Variants in KIAA0319 observed in about 807,000 individuals in gnomAD.
The protein encoded by KIAA0319 is KIAA0319, also known as dyslexia-associated protein KIAA0319.
KIAA0319 carries 83 observed loss-of-function variants against 108.4 expected under a neutral mutation model. That is an observed-to-expected ratio of 0.77 (90% CI 0.64 to 0.92). The LOEUF (loss-of-function observed/expected upper bound fraction) is 0.92. Ranked by LOEUF, KIAA0319 falls within the 40% of genes least tolerant of loss-of-function variation. The pLI, the probability that KIAA0319 is intolerant of heterozygous loss-of-function variation, is 0.00. For synonymous variants in KIAA0319, 484 were observed against 510.4 expected, an observed-to-expected ratio of 0.95 and a Z score of 0.70; for missense variants, 1,195 against 1,322.4, an observed-to-expected ratio of 0.90 and a Z score of 1.49.
At chr6:24,581,890 T>C (rs1452507890) in intron 6 of KIAA0319, among the ~76,000 whole-genome samples, 3 of 152,310 alleles carry the variant, frequency 2.0e-5, no homozygotes, top group African/African-American at 7.2e-5. Context: ...ATGCCTGTAA[T>C]CCCAACACTT....
downstream of KIAA0319, among the ~76,000 whole-genome samples, chr6:24,543,091 C>T (rs150079829): frequency 5.3e-5 from 8 of 152,332 alleles, no homozygotes; most frequent in East Asian, 1.9e-4. Flanking sequence ...AAACTGTTCA[C>T]GGCAATAAAG....
intron 1 of KIAA0319, among the ~76,000 whole-genome samples, chr6:24,610,186 A>C (rs1396833117): frequency 6.6e-6 from 1 of 152,224 alleles, no homozygotes; most frequent in Non-Finnish European, 1.5e-5. Flanking sequence ...CAAATCAAAA[A>C]TCTAATAAGG....
intron 5 of KIAA0319, among the ~76,000 whole-genome samples, chr6:24,582,876 C>T (rs1039609458): frequency 6.6e-6 from 1 of 152,050 alleles, no homozygotes; most frequent in Non-Finnish European, 1.5e-5. Flanking sequence ...TAAGATGAAA[C>T]TGTCTCCCAG....
chr6:24,612,900 G>C (rs895470461), intron 1 of KIAA0319, among the ~76,000 whole-genome samples: 1 of 152,000 alleles, frequency 6.6e-6, no homozygotes, highest in African/African-American at 2.4e-5. Flanking sequence ...CCCGGTTCAC[G>C]CCATTCTCCT....
intron 1 of KIAA0319, among the ~76,000 whole-genome samples, chr6:24,619,425 A>G (rs1773610278): frequency 6.6e-6 from 1 of 152,222 alleles, no homozygotes; most frequent in Non-Finnish European, 1.5e-5. Flanking sequence ...GGTGTGACAC[A>G]AAAACAAGAG....
chr6:24,599,722 T>A lies in KIAA0319; in HGVS notation c.55+1327A>T. ...AGCACCAACTCCTTCAGGGCCATGG[T>A]TGTGAAGAAGATCGAGATTTGTGAT... On this transcript the variant is annotated intron_variant, in intron 2 of 20. Transcript: ENST00000378214. This position sits in a 1 kb window ranked among gnomAD's most constrained non-coding sequence, Gnocchi z 4.1. 1 of 573,500 alleles carries A rather than the reference T, an allele frequency of 1.7e-6. No individual in the cohort carries two copies. The highest frequency in any genetic ancestry group is 3.7e-5 in the East Asian group (1 of 27,214). The allele number at this position is 573,500 out of a possible 1,614,324, so 35.5% of individuals were successfully genotyped here.
At chr6:24,609,273 CAAAAA>C (rs886616830) in intron 1 of KIAA0319, among the ~76,000 whole-genome samples, 1 of 74,840 alleles carries the variant, frequency 1.3e-5, no homozygotes. Flanking sequence ...GTCTCAAAAA[CAAAAA>C]AAAAAAAAAA....
At chr6:24,618,011 T>A (rs1405679384) in intron 1 of KIAA0319, among the ~76,000 whole-genome samples, 1 of 151,430 alleles carries the variant, frequency 6.6e-6, no homozygotes, top group East Asian at 1.9e-4. Context: ...ATAAAAATAA[T>A]AAAAATAAAT....
At chr6:24,582,892 G>T (rs772898953) in intron 5 of KIAA0319, among the ~76,000 whole-genome samples, 13 of 152,194 alleles carry the variant, frequency 8.5e-5, no homozygotes, top group Middle Eastern at 6.8e-3. Context: ...CCCAGCTGCA[G>T]ATATTAGTAG....
intron 4 of KIAA0319, among the ~76,000 whole-genome samples, chr6:24,587,279 CCTTT>C (rs954801635): frequency 1.3e-5 from 2 of 148,956 alleles, no homozygotes; most frequent in African/African-American, 2.5e-5. Context: ...TCTTTTTTTT[CCTTT>C]TTTTTTGGTT....
In KIAA0319 at chr6:24,551,668, A is replaced by G. The variant is rs1426386847; in HGVS notation, c.2949-143T>C. ...CGTCTTTTATTAAAGAAACATACAC[A>G]AGGCCAGGTCAGAGCTCAGAGGGCC... is the stretch of plus-strand genomic sequence containing the variant. On this transcript the variant is annotated intron_variant, in intron 19 of 20. Transcript: ENST00000378214. 5 of 628,766 alleles carry G rather than the reference A, an allele frequency of 8.0e-6. No individual in the cohort carries two copies. In the African/African-American group the frequency reaches 9.2e-5, roughly 12 times the overall value. 38.9% of individuals were successfully genotyped at this position (628,766 alleles called of 1,614,324 possible).
intron 1 of KIAA0319, among the ~76,000 whole-genome samples, chr6:24,640,331 T>A (rs1198126900): frequency 6.6e-6 from 1 of 152,152 alleles, no homozygotes; most frequent in Non-Finnish European, 1.5e-5. Flanking sequence ...AACAACATGA[T>A]GTTTAAGCTC....
intron 20 of KIAA0319, among the ~76,000 whole-genome samples, chr6:24,550,713 C>T (rs1419554538): frequency 2.0e-5 from 3 of 152,136 alleles, no homozygotes; most frequent in Non-Finnish European, 1.5e-5. Context: ...AAGGGAACAG[C>T]GTTCAGAGCT....
At position 24,594,636 on chromosome 6, in the gene KIAA0319, A is replaced by AC. The variant is rs1478742809; in HGVS notation, c.801+1236_801+1237insG. On this transcript the variant is annotated intron_variant, in intron 3 of 20. Transcript: ENST00000378214. ...AGCAAGACTCTGTCTCACAAAAAAA[A>AC]AACAACAAAAAAAAAAAACACTTAA... Among the ~76,000 whole-genome samples the AC allele has an allele frequency of 6.0e-3, 532 of 88,808 alleles. 1 individual carries two copies. The highest frequency in any genetic ancestry group is 9.7e-3 in the African/African-American group (310 of 32,034). The allele number at this position is 88,808 out of a possible 152,430, so 58.3% of individuals were successfully genotyped here.
chr6:24,577,394 G>A (rs1407752837), intron 9 of KIAA0319, among the ~76,000 whole-genome samples: 1 of 152,174 alleles, frequency 6.6e-6, no homozygotes, highest in East Asian at 1.9e-4. Context: ...AGCAGTGTTA[G>A]GATTAAGCAC....
chr6:24,619,245 G>T (rs1286719882), intron 1 of KIAA0319, among the ~76,000 whole-genome samples: 1 of 152,216 alleles, frequency 6.6e-6, no homozygotes. Flanking sequence ...TGAAAAGAGA[G>T]TATAGCAATC....
Position 24,569,996 on chromosome 6 carries a change from T to G in KIAA0319, c.1898A>C (p.Lys633Thr). The change falls in exon 12 of 21, where the codon AAA becomes ACA. Residue 633 changes from lysine (K) to threonine (T), a missense_variant. Physicochemically the swap from Lys to Thr is moderately conservative, Grantham distance 78 (BLOSUM62 -1). Transcript: ENST00000378214. ...ACTTTCCACTGGGAAGATCAGCTCT[T>G]TATCAGGGCCGGCCACAGCCACTGG... The part of the protein sequence containing the change: ...RPPVAVAGPD[K>T]ELIFPVESAT... 6.2e-7 allele frequency: 1 copy of G among 1,614,156 alleles called. No individual in the cohort carries two copies. The highest frequency in any genetic ancestry group is 8.5e-7 in the Non-Finnish European group (1 of 1,179,996).
chr6:24,566,957 G>A (rs1763981086), intron 13 of KIAA0319, among the ~76,000 whole-genome samples: 1 of 152,150 alleles, frequency 6.6e-6, no homozygotes, highest in Admixed American at 6.5e-5. Context: ...TATAATTTGG[G>A]ATGAAAACGG....
intron 3 of KIAA0319, among the ~76,000 whole-genome samples, chr6:24,594,456 T>C (rs1462666835): frequency 6.6e-6 from 1 of 150,798 alleles, no homozygotes; most frequent in Non-Finnish European, 1.5e-5. Context: ...TGAAAACCCA[T>C]CTCTACTAAA....
Sources: gnomAD v4.1 joint callset for allele counts (sites outside exome capture counted in the v4.1 genomes callset) on GRCh38, gnomAD v4.1.1 for gene constraint, Gnocchi (gnomAD v3.1) non-coding constraint, MANE v1.5 for transcripts, NCBI Gene and HGNC (gene_info 2026-07-23, HGNC 2026-07-21) for gene names.